Variants in TCIRG1 observed in about 807,000 individuals in gnomAD.
TCIRG1 encodes the protein T cell immune regulator 1, ATPase H+ transporting V0 subunit a3, also known as V-type proton ATPase 116 kDa subunit a 3.
TCIRG1 carries 86 observed loss-of-function variants against 95.5 expected under a neutral mutation model. The ratio of observed to expected loss-of-function variants is 0.90; its 90% CI spans 0.76 to 1.08. The LOEUF (loss-of-function observed/expected upper bound fraction) is 1.08, where lower values mean the gene tolerates loss of function less well. Ranked by LOEUF, TCIRG1 falls within the 50% of genes least tolerant of loss-of-function variation. TCIRG1 has a pLI of 0.00. For synonymous variants in TCIRG1, 499 were observed against 501.3 expected, an observed-to-expected ratio of 1.00 and a Z score of 0.06; for missense variants, 1,069 against 1,140.2, an observed-to-expected ratio of 0.94 and a Z score of 0.90.
Position 68,050,184 on chromosome 11 carries a change from G to T in TCIRG1, c.2166G>T (p.Glu722Asp). 1 of 1,613,688 alleles carries T rather than the reference G, an allele frequency of 6.2e-7. No homozygotes were observed. Among genetic ancestry groups the T allele is most frequent in the Non-Finnish European group, 8.5e-7 (1 of 1,179,938 alleles). Residue 722 changes from glutamate to aspartate, a missense_variant, in exon 18 of 20, where the codon GAG (glutamate) becomes GAT (aspartate). Coordinates refer to ENST00000265686, the MANE Select transcript of TCIRG1 (RefSeq NM_006019.4). ...VLMHQAIHTIEFCLGCVSNTA... is the reference protein window; with the variant it reads ...VLMHQAIHTIDFCLGCVSNTA... ...TGCACCAGGCCATCCACACCATCGA[G>T]TTCTGCCTGGGCTGCGTCTCCAACA...
chr11:68,040,236 G>T (rs1430963223), intron 1 of TCIRG1, among the ~76,000 whole-genome samples: 1 of 152,202 alleles, frequency 6.6e-6, no homozygotes, highest in Non-Finnish European at 1.5e-5. Context: ...GAGGGTGAGA[G>T]ACTTGCCCAA....
At chr11:68,040,266 GC>G (rs2134427704) in intron 1 of TCIRG1, among the ~76,000 whole-genome samples, 1 of 152,354 alleles carries the variant, frequency 6.6e-6, no homozygotes, top group African/African-American at 2.4e-5. Flanking sequence ...CCCAATCTCA[GC>G]CTGGGCTCCA....
Position 68,050,736 on chromosome 11 carries a change from C to A in TCIRG1, c.2415-5C>A. On this transcript the variant is annotated splice_polypyrimidine_tract_variant and splice_region_variant and intron_variant, in intron 19 of 19. Coordinates refer to ENST00000265686, the MANE Select transcript of TCIRG1 (RefSeq NM_006019.4). The stretch of plus-strand genomic sequence containing the variant: ...CTCACCAACCCCTCTGCTTCTCACC[C>A]CCAGGGTGGAATTCCAGAACAAGTT... The A allele has an allele frequency of 6.2e-7, 1 of 1,613,938 alleles. No individual in the cohort carries two copies. The highest frequency in any genetic ancestry group is 1.6e-4 in the Middle Eastern group (1 of 6,062).
chr11:68,049,851 CCT>C, intron 16 of TCIRG1, 63 bp downstream of exon 16: 3 of 1,554,454 alleles, frequency 1.9e-6, no homozygotes, highest in South Asian at 2.3e-5. Context: ...CCGGTGTGTC[CCT>C]GACTCCTCGC....
At chr11:68,042,360 C>T (rs961028630) in intron 3 of TCIRG1, among the ~76,000 whole-genome samples, 7 of 152,210 alleles carry the variant, frequency 4.6e-5, no homozygotes, top group Admixed American at 1.3e-4. Flanking sequence ...ACAGGACTCA[C>T]GCCAGCTCCG....
In TCIRG1 at chr11:68,049,126, G is replaced by A. The variant is rs1245633475; in HGVS notation, c.1719G>A (p.Glu573=). ...GGCTGCTGCTGGAGACGCTGCCGGA[G>A]CTCACCTTCCTGCTGGGACTCTTCG... ...RHRLLLETLP[E]LTFLLGLFGY... Residue 573 remains glutamate (E), a synonymous_variant, in exon 15 of 20, where the codon GAG becomes GAA. Transcript: ENST00000265686. The A allele has an allele frequency of 6.2e-7, 1 of 1,613,794 alleles. No individual in the cohort carries two copies. The highest frequency in any genetic ancestry group is 8.5e-7 in the Non-Finnish European group (1 of 1,180,012).
chr11:68,045,809 G>C (rs578033004), intron 10 of TCIRG1, among the ~76,000 whole-genome samples: 10 of 152,184 alleles, frequency 6.6e-5, no homozygotes, highest in Non-Finnish European at 1.5e-4. Context: ...CACACAGGCC[G>C]TTGGGGGCCC....
At position 68,041,314 on chromosome 11, in the gene TCIRG1, C is replaced by A. The variant is rs1855148079; in HGVS notation, c.43C>A (p.Leu15Ile). Residue 15 changes from leucine to isoleucine, a missense_variant, in exon 2 of 20, where the codon CTC (leucine) becomes ATC (isoleucine). Transcript: ENST00000265686. Reference protein sequence around the residue: ...FRSEEVALVQLFLPTAAAYTC... With the variant: ...FRSEEVALVQIFLPTAAAYTC... ...GAGCGAGGAGGTGGCCCTGGTCCAG[C>A]TCTTTCTGCCCACAGCGGCTGCCTA... 9.3e-6 allele frequency: 15 copies of A among 1,613,142 alleles called. No homozygotes were observed. The highest frequency in any genetic ancestry group is 1.3e-5 in the Non-Finnish European group (15 of 1,179,990).
At chr11:68,049,478 C>T (rs113763935) in intron 15 of TCIRG1, 184 bp downstream of exon 15, 39,813 of 1,003,712 alleles carry the variant, frequency 0.04, 1,016 homozygotes, top group African/African-American at 0.074. Flanking sequence ...CACTGGGAAC[C>T]GGGGGTCCCT....
downstream of TCIRG1, chr11:68,052,073 CAT>C (rs1335528629): frequency 2.6e-5 from 4 of 152,646 alleles, no homozygotes; most frequent in South Asian, 2.1e-4. Context: ...CATAGGGAGA[CAT>C]AGGGATGGGG....
At chr11:68,045,831 C>T (rs977295708) in intron 10 of TCIRG1, among the ~76,000 whole-genome samples, 14 of 152,350 alleles carry the variant, frequency 9.2e-5, no homozygotes, top group African/African-American at 3.1e-4. Flanking sequence ...AGCACCCTGA[C>T]TCTTGCCCAC....
Position 68,043,839 on chromosome 11 carries a change from C to A in TCIRG1, c.739C>A (p.Leu247Met). Residue 247 changes from leucine (L) to methionine (M), a missense_variant, in exon 8 of 20, where the codon CTG (leucine) becomes ATG (methionine). Transcript: ENST00000265686. ...CTTCCACTGCCACGTCTTCCCGTTT[C>A]TGCAGCAGGAGGAGGCCCGCCTCGG... ...DCFHCHVFPF[L>M]QQEEARLGAL... is the part of the protein sequence containing the mutation. The A allele has an allele frequency of 6.4e-7, 1 of 1,562,582 alleles. No individual in the cohort carries two copies. The highest frequency in any genetic ancestry group is 8.7e-7 in the Non-Finnish European group (1 of 1,155,000).
downstream of TCIRG1, chr11:68,051,066 C>T: frequency 1.7e-6 from 1 of 576,782 alleles, no homozygotes; most frequent in Admixed American, 2.9e-5. Context: ...GAGATGTTTC[C>T]AGCACATTCT....
chr11:68,042,151 T>TTTC (rs1429879501), intron 3 of TCIRG1, among the ~76,000 whole-genome samples: 2 of 152,124 alleles, frequency 1.3e-5, no homozygotes, highest in Non-Finnish European at 2.9e-5. Context: ...CACAGACAGC[T>TTTC]TTCTCCTCTA....
rs1473663641 is a variant in TCIRG1 at position 68,043,017 on chromosome 11, G to A, written c.489G>A (p.Gln163=). 2 of 1,551,228 alleles carry A rather than the reference G, an allele frequency of 1.3e-6. No individual in the cohort carries two copies. The highest frequency in any genetic ancestry group is 1.4e-5 in the African/African-American group (1 of 73,186). ...TCCAGGCCCCCGGGGGGCCGCACCA[G>A]GACCTGAGGGTCAAGTGAGTGAGGG... ...PLLQAPGGPH[Q]DLRVNFVAGA... is the part of the protein sequence containing the mutation. Residue 163 remains glutamine (Q), a synonymous_variant, in exon 5 of 20, where the codon CAG becomes CAA. Coordinates refer to ENST00000265686, the MANE Select transcript of TCIRG1 (RefSeq NM_006019.4).
Position 68,050,128 on chromosome 11 carries a change from G to GC in TCIRG1, c.2119-5dup, listed in dbSNP as rs1855722247. ...GGCCCTGCCGGCCCTCACTGCACCC[G>GC]CCCCGCAGCTCGTCCCCTCCGAGGT... On this transcript the variant is annotated splice_polypyrimidine_tract_variant and intron_variant, in intron 17 of 19. Coordinates refer to ENST00000265686, the MANE Select transcript of TCIRG1 (RefSeq NM_006019.4). 1.2e-6 allele frequency: 2 copies of GC among 1,612,570 alleles called. No homozygotes were observed. Among genetic ancestry groups the GC allele is most frequent in the Admixed American group, 1.7e-5 (1 of 59,992 alleles).
At chr11:68,041,558 G>A (rs1409116068) in intron 2 of TCIRG1, among the ~76,000 whole-genome samples, 170 bp downstream of exon 2, 4 of 152,212 alleles carry the variant, frequency 2.6e-5, no homozygotes, top group Non-Finnish European at 5.9e-5. Context: ...AGGCCCCTGA[G>A]CTGGCTCCTC....
At chr11:68,046,819 G>C (rs915831495) in intron 10 of TCIRG1, 1 of 454,802 alleles carries the variant, frequency 2.2e-6, no homozygotes, top group Admixed American at 2.4e-5. Context: ...TCTGGCTTCT[G>C]TGTGGAGCTC....
chr11:68,051,214 C>T (rs566635829), downstream of TCIRG1, among the ~76,000 whole-genome samples: 383 of 152,282 alleles, frequency 2.5e-3, no homozygotes, highest in Non-Finnish European at 4.3e-3. Flanking sequence ...GCCCTGGTGC[C>T]GGGCCTCAGG....
Sources: allele counts gnomAD v4.1 joint callset (sites outside exome capture counted in the v4.1 genomes callset), GRCh38; gene constraint gnomAD v4.1.1; transcripts MANE v1.5; gene names NCBI Gene and HGNC (gene_info 2026-07-23, HGNC 2026-07-21).